Variants in IL1RAPL1 observed in about 807,000 individuals in gnomAD.
IL1RAPL1 encodes the protein interleukin-1 receptor accessory protein-like 1.
A neutral mutation model predicts 48.4 loss-of-function variants in IL1RAPL1; 3 were observed. The observed-to-expected ratio is 0.06, with a 90% CI of 0.03 to 0.16. The LOEUF (loss-of-function observed/expected upper bound fraction) is 0.16. IL1RAPL1 is among the 10% of genes least tolerant of loss of function. IL1RAPL1 has a pLI of 1.00. For missense variants in IL1RAPL1, 349 were observed against 530.6 expected (o/e 0.66, Z 3.36); for synonymous variants, 185 against 187.7 (o/e 0.99, Z 0.12).
At chrX:29,620,161 C>T (rs4829118) in intron 5 of IL1RAPL1, among the ~76,000 whole-genome samples, 10,041 of 111,264 alleles carry the variant, frequency 0.09, 382 homozygotes, top group Middle Eastern at 0.21. Context: ...CAAAATTTCT[C>T]GTGGCGTTTT....
intron 2 of IL1RAPL1, among the ~76,000 whole-genome samples, chrX:29,173,883 C>A (rs923568481): frequency 1.8e-5 from 2 of 110,872 alleles, no homozygotes; most frequent in African/African-American, 6.6e-5. Flanking sequence ...AAAAGGTCAA[C>A]ATAAGCATAT....
At chrX:29,599,128 G>A (rs750359190) in intron 5 of IL1RAPL1, among the ~76,000 whole-genome samples, 1 of 111,541 alleles carries the variant, frequency 9.0e-6, no homozygotes, top group Non-Finnish European at 1.9e-5. Context: ...TTGTTATATC[G>A]GTCATGTGAG....
chrX:28,905,606 G>T (rs1923197310), intron 2 of IL1RAPL1, among the ~76,000 whole-genome samples: 1 of 111,819 alleles, frequency 8.9e-6, no homozygotes, highest in Non-Finnish European at 1.9e-5. Flanking sequence ...GAATGAATTT[G>T]TATTTCTTTA....
At chrX:29,388,356 A>T in intron 3 of IL1RAPL1, among the ~76,000 whole-genome samples, 1 of 61,224 alleles carries the variant, frequency 1.6e-5, no homozygotes, top group African/African-American at 5.8e-5. Flanking sequence ...AGTTTAAGAG[A>T]TTAAAAAAAA....
intron 1 of IL1RAPL1, among the ~76,000 whole-genome samples, chrX:28,784,867 C>A (rs533071861): frequency 7.3e-4 from 81 of 111,579 alleles, no homozygotes; most frequent in Non-Finnish European, 9.2e-4. Flanking sequence ...TCTCTTCTTT[C>A]CTCTGAATCT....
At chrX:28,935,141 CTTTAT>C (rs2147345658) in intron 2 of IL1RAPL1, among the ~76,000 whole-genome samples, 1 of 111,056 alleles carries the variant, frequency 9.0e-6, no homozygotes, top group East Asian at 2.8e-4. Flanking sequence ...ATAAAGTCTA[CTTTAT>C]TTTTTTTTAG....
chrX:29,185,653 G>A (rs1449785025), intron 2 of IL1RAPL1, among the ~76,000 whole-genome samples: 1 of 111,775 alleles, frequency 8.9e-6, no homozygotes, highest in Non-Finnish European at 1.9e-5. Context: ...GATACTCCAA[G>A]TCATAAAACA....
At chrX:29,080,924 TTTTCTTTCTTTCTTTCTTTCTTTC>T (rs1270246223) in intron 2 of IL1RAPL1, among the ~76,000 whole-genome samples, 1 of 67,890 alleles carries the variant, frequency 1.5e-5, no homozygotes, top group African/African-American at 6.1e-5. Context: ...TTTAAATATT[TTTTCTTTCTTTCTTTCTTTCTTTC>T]TTTCTTTCTT....
intron 3 of IL1RAPL1, among the ~76,000 whole-genome samples, chrX:29,310,217 C>G (rs1248070184): frequency 1.0e-5 from 1 of 99,916 alleles, no homozygotes; most frequent in African/African-American, 3.7e-5. Flanking sequence ...TTTGGGCCAA[C>G]TTTGTCATCC....
At chrX:28,755,677 G>A (rs1159028589) in intron 1 of IL1RAPL1, among the ~76,000 whole-genome samples, 1 of 112,089 alleles carries the variant, frequency 8.9e-6, no homozygotes, top group Non-Finnish European at 1.9e-5. Context: ...AACTTTAGTG[G>A]TAATTTACAC....
At chrX:28,604,719 CAAA>C (rs778056286) in intron 1 of IL1RAPL1, among the ~76,000 whole-genome samples, 2 of 27,970 alleles carry the variant, frequency 7.2e-5, no homozygotes, top group Admixed American at 4.4e-4. Context: ...GAGCGAGACT[CAAA>C]AAAAAAAAAA....
chrX:29,622,805 T>G (rs1924501956), intron 5 of IL1RAPL1, among the ~76,000 whole-genome samples: 1 of 111,713 alleles, frequency 9.0e-6, no homozygotes, highest in Non-Finnish European at 1.9e-5. Flanking sequence ...AGAAGAAAAT[T>G]GTGGGATTTA....
intron 5 of IL1RAPL1, among the ~76,000 whole-genome samples, chrX:29,614,291 A>G (rs1924206967): frequency 8.9e-6 from 1 of 112,010 alleles, no homozygotes; most frequent in African/African-American, 3.2e-5. Flanking sequence ...GTCCCACATG[A>G]GACTCTGGTA....
rs769655342 is a variant in IL1RAPL1, at chrX:29,102,890, TA to T, written c.83-180044del. On this transcript the variant is annotated intron_variant, in intron 2 of 10. Coordinates refer to ENST00000378993, the MANE Select transcript of IL1RAPL1 (RefSeq NM_014271.4). The stretch of plus-strand genomic sequence containing the variant: ...TAATCCCATTTACAATAGCTACAAA[TA>T]AAATAAAATACCTAGGAATTAACCA... Among the ~76,000 whole-genome samples, 15 of 110,120 alleles carry T rather than the reference TA, an allele frequency of 1.4e-4. No homozygotes were observed. The South Asian group carries it at 5.7e-3, about 42-fold the overall frequency.
chrX:28,835,182 T>A (rs1921173774), intron 2 of IL1RAPL1, among the ~76,000 whole-genome samples: 1 of 111,692 alleles, frequency 9.0e-6, no homozygotes, highest in South Asian at 3.7e-4. Context: ...TCTGGCATCC[T>A]CCTACACATC....
chrX:29,156,553 G>A (rs140206312), intron 2 of IL1RAPL1, among the ~76,000 whole-genome samples: 188 of 111,624 alleles, frequency 1.7e-3, no homozygotes, highest in African/African-American at 5.8e-3. Flanking sequence ...CTCACATCAT[G>A]GAATACGAAT....
At chrX:29,347,718 T>A (rs1482829590) in intron 3 of IL1RAPL1, among the ~76,000 whole-genome samples, 1 of 111,723 alleles carries the variant, frequency 9.0e-6, no homozygotes, top group Non-Finnish European at 1.9e-5. Flanking sequence ...GAATTTTTAC[T>A]TTTTCACTTA....
At chrX:29,168,173 C>T (rs1426145544) in intron 2 of IL1RAPL1, among the ~76,000 whole-genome samples, 1 of 109,802 alleles carries the variant, frequency 9.1e-6, no homozygotes, top group Non-Finnish European at 1.9e-5. Context: ...AGACATTTAT[C>T]ATTTCTTTTT....
chrX:28,928,376 A>G (rs933620382), intron 2 of IL1RAPL1, among the ~76,000 whole-genome samples: 2 of 111,208 alleles, frequency 1.8e-5, no homozygotes. Context: ...TTCTTCCTCT[A>G]CAGATACAAT....
Sources: gnomAD v4.1 joint callset for allele counts (sites outside exome capture counted in the v4.1 genomes callset) on GRCh38, gnomAD v4.1.1 for gene constraint, MANE v1.5 for transcripts, NCBI Gene and HGNC (gene_info 2026-07-23, HGNC 2026-07-21) for gene names.